Variants in UNC5D observed in about 807,000 individuals in gnomAD.
UNC5D encodes the protein netrin receptor UNC5D.
A neutral mutation model predicts 105.4 loss-of-function variants in UNC5D; 39 were observed. The ratio of observed to expected loss-of-function variants is 0.37; its 90% CI spans 0.29 to 0.48. The LOEUF (loss-of-function observed/expected upper bound fraction) is 0.48, where lower values mean the gene tolerates loss of function less well. Ranked by LOEUF, UNC5D falls within the 20% of genes least tolerant of loss-of-function variation. UNC5D has a pLI of 0.98. For synonymous variants in UNC5D, 452 were observed against 450.4 expected (o/e 1.00, Z -0.04); for missense variants, 991 against 1,202.4 (o/e 0.82, Z 2.60).
intron 1 of UNC5D, among the ~76,000 whole-genome samples, chr8:35,311,431 T>G (rs1585557063): frequency 6.6e-6 from 1 of 152,234 alleles, no homozygotes; most frequent in East Asian, 1.9e-4. Context: ...CTTGGCTGGG[T>G]AAGCAAATTA....
intron 1 of UNC5D, chr8:35,255,807 C>A (rs1804039545): frequency 6.6e-6 from 1 of 152,164 alleles, no homozygotes; most frequent in Non-Finnish European, 1.5e-5. Context: ...TAAACAATTA[C>A]ATGGAATTTT....
chr8:35,406,891 G>C (rs545629211), intron 1 of UNC5D, among the ~76,000 whole-genome samples: 2 of 152,178 alleles, frequency 1.3e-5, no homozygotes, highest in African/African-American at 4.8e-5. Flanking sequence ...CATAATGTGT[G>C]TATGATGCAC....
chr8:35,328,689 C>G (rs1265357752), intron 1 of UNC5D, among the ~76,000 whole-genome samples: 5 of 152,080 alleles, frequency 3.3e-5, no homozygotes, highest in Non-Finnish European at 7.3e-5. Context: ...TACACCAGCT[C>G]AGACATCACA....
At chr8:35,754,555 C>T (rs560236295) in intron 13 of UNC5D, among the ~76,000 whole-genome samples, 6 of 152,254 alleles carry the variant, frequency 3.9e-5, no homozygotes, top group South Asian at 2.1e-4. Flanking sequence ...ACCTTCTCCC[C>T]GGAAGACCTT....
rs149571536 is a variant in UNC5D, at chr8:35,365,155, C to T, written c.103+129268C>T. Among the ~76,000 whole-genome samples, 597 of 152,264 alleles carry T rather than the reference C, an allele frequency of 3.9e-3. 2 individuals are homozygous for T. The highest frequency in any genetic ancestry group is 0.014 in the African/African-American group (568 of 41,558). On this transcript the variant is annotated intron_variant, in intron 1 of 16. Transcript: ENST00000404895. ...ACTCGGAGAAATACCTCCTTCCCATCCTTTCAGCCTCAATCCCGATTGCTC... is the reference window on the plus strand; with the variant it reads ...ACTCGGAGAAATACCTCCTTCCCATTCTTTCAGCCTCAATCCCGATTGCTC...
At chr8:35,745,696 T>C (rs191099483) in intron 11 of UNC5D, among the ~76,000 whole-genome samples, 6 of 152,294 alleles carry the variant, frequency 3.9e-5, no homozygotes, top group Admixed American at 1.3e-4. Flanking sequence ...TGTGCACATA[T>C]ATGTATAGAT....
At chr8:35,424,180 A>C (rs1412278486) in intron 1 of UNC5D, among the ~76,000 whole-genome samples, 1 of 152,194 alleles carries the variant, frequency 6.6e-6, no homozygotes, top group African/African-American at 2.4e-5. Context: ...ATGTATGGGA[A>C]AGAAAATTAG....
At chr8:35,353,613 G>A (rs992868278) in intron 1 of UNC5D, among the ~76,000 whole-genome samples, 8 of 152,070 alleles carry the variant, frequency 5.3e-5, no homozygotes, top group Admixed American at 4.6e-4. Flanking sequence ...TTGGTAAAAA[G>A]CAAAGACTAC....
At chr8:35,375,804 C>G (rs1802666971) in intron 1 of UNC5D, among the ~76,000 whole-genome samples, 1 of 152,118 alleles carries the variant, frequency 6.6e-6, no homozygotes, top group Admixed American at 6.6e-5. Flanking sequence ...ATTTTTGAAA[C>G]AAGGAATTAT....
intron 1 of UNC5D, among the ~76,000 whole-genome samples, chr8:35,508,550 C>T (rs543386465): frequency 1.6e-4 from 25 of 152,294 alleles, no homozygotes; most frequent in African/African-American, 6.0e-4. Flanking sequence ...CCAGAGTGAG[C>T]CCTCTAAAAA....
chr8:35,459,216 C>T (rs1405602407), intron 1 of UNC5D, among the ~76,000 whole-genome samples: 1 of 152,088 alleles, frequency 6.6e-6, no homozygotes, highest in Non-Finnish European at 1.5e-5. Flanking sequence ...AGGATTAACA[C>T]CATTTGTTTC....
chr8:35,572,734 C>A (rs991834439), intron 3 of UNC5D, among the ~76,000 whole-genome samples: 4 of 151,898 alleles, frequency 2.6e-5, no homozygotes, highest in African/African-American at 9.7e-5. Flanking sequence ...AACCAGGATG[C>A]TATTAAAATG....
At chr8:35,640,277 G>A (rs943504340) in intron 4 of UNC5D, among the ~76,000 whole-genome samples, 1 of 151,940 alleles carries the variant, frequency 6.6e-6, no homozygotes, top group Non-Finnish European at 1.5e-5. Flanking sequence ...CAAAATGAAG[G>A]GTTCATTCAT....
intron 11 of UNC5D, among the ~76,000 whole-genome samples, chr8:35,731,911 T>C (rs934056938): frequency 6.6e-6 from 1 of 152,214 alleles, no homozygotes; most frequent in Non-Finnish European, 1.5e-5. Context: ...AGCATTAAAT[T>C]CAATTACAGG....
At chr8:35,665,574 C>T (rs905041127) in intron 4 of UNC5D, among the ~76,000 whole-genome samples, 1 of 151,214 alleles carries the variant, frequency 6.6e-6, no homozygotes, top group African/African-American at 2.4e-5. Context: ...TCTCCAGTTT[C>T]ATTTCATCTT....
chr8:35,550,391 CAGACA>C (rs1380098145), intron 2 of UNC5D, among the ~76,000 whole-genome samples: 15 of 152,138 alleles, frequency 9.9e-5, no homozygotes, highest in Non-Finnish European at 1.8e-4. Context: ...TTTGCTTTCT[CAGACA>C]AGATCCAATC....
intron 1 of UNC5D, among the ~76,000 whole-genome samples, chr8:35,328,993 T>C (rs1284713280): frequency 6.6e-6 from 1 of 152,146 alleles, no homozygotes; most frequent in Non-Finnish European, 1.5e-5. Context: ...CTACTCACAG[T>C]TGTATTTTCT....
At chr8:35,512,569 A>ATTTC (rs539399345) in intron 1 of UNC5D, among the ~76,000 whole-genome samples, 5 of 64,840 alleles carry the variant, frequency 7.7e-5, no homozygotes, top group African/African-American at 4.0e-4. Flanking sequence ...ATATATATAT[A>ATTTC]TCTGAATAGA....
chr8:35,245,494 A>T (rs945602636), intron 1 of UNC5D, among the ~76,000 whole-genome samples: 6 of 152,114 alleles, frequency 3.9e-5, no homozygotes. Flanking sequence ...GTTTCTCTTA[A>T]AAAAAGCAAT....
Sources: gnomAD v4.1 joint callset for allele counts (sites outside exome capture counted in the v4.1 genomes callset) on GRCh38, gnomAD v4.1.1 for gene constraint, MANE v1.5 for transcripts, NCBI Gene and HGNC (gene_info 2026-07-23, HGNC 2026-07-21) for gene names.